BDH1: variants seen among roughly 807,000 people sequenced by gnomAD.
BDH1 encodes D-beta-hydroxybutyrate dehydrogenase, mitochondrial.
A neutral mutation model predicts 33.1 loss-of-function variants in BDH1; 30 were observed. The observed-to-expected ratio is 0.91, with a 90% CI of 0.68 to 1.23. The LOEUF (loss-of-function observed/expected upper bound fraction) is 1.23. Ranked by LOEUF, BDH1 falls within the 50% of genes most tolerant of loss-of-function variation. BDH1 has a pLI of 0.00. For synonymous variants in BDH1, 190 were observed against 183.6 expected, an observed-to-expected ratio of 1.03 and a Z score of -0.28; for missense variants, 443 against 464.4, an observed-to-expected ratio of 0.95 and a Z score of 0.42.
In BDH1 at chr3:197,571,112, G is replaced by T. The variant is rs146156880; in HGVS notation, c.-44+2069C>A. On this transcript the variant is annotated intron_variant, in intron 1 of 6. Transcript: ENST00000358186. Reference sequence around the variant, plus strand: ...AGATTTGGCTGCCCTGCTGGATTTTGGACTTTCATGGAACCTTTGGCCCCT... The same window carrying T: ...AGATTTGGCTGCCCTGCTGGATTTTTGACTTTCATGGAACCTTTGGCCCCT... 9.2e-5 allele frequency among the ~76,000 whole-genome samples: 14 copies of T among 152,308 alleles called. No homozygotes were observed. The East Asian group carries it at 2.1e-3, about 23-fold the overall frequency.
chr3:197,515,077 C>A (rs1461203490), intron 6 of BDH1, among the ~76,000 whole-genome samples: 1 of 152,224 alleles, frequency 6.6e-6, no homozygotes, highest in African/African-American at 2.4e-5. Context: ...CATCCTGGGG[C>A]CCTCCCCTGC....
At chr3:197,543,044 C>G in intron 3 of BDH1, 9 of 985,428 alleles carry the variant, frequency 9.1e-6, no homozygotes, top group Non-Finnish European at 1.1e-5. Context: ...GGCGTTCATT[C>G]TGGCTTCTTC....
upstream of BDH1, among the ~76,000 whole-genome samples, chr3:197,559,579 G>C (rs1008696608): frequency 3.3e-5 from 5 of 152,154 alleles, no homozygotes; most frequent in African/African-American, 1.2e-4. Context: ...TGCTATTTGG[G>C]GGAACCCAGA....
chr3:197,534,892 C>A (rs2082268), intron 3 of BDH1, among the ~76,000 whole-genome samples: 3,992 of 152,240 alleles, frequency 0.026, 73 homozygotes, highest in Middle Eastern at 0.061. Context: ...GCTGCTATAA[C>A]AAAATATCAT....
chr3:197,511,975 TG>T lies in BDH1; in HGVS notation c.951del (p.Met318TrpfsTer12). Reference sequence around the variant, plus strand: ...ATTCGCAGCCACCAGTAGTAGTCCATGGGGTGGTAGCGGGTGTAGGGGGTGG... The same window carrying T: ...ATTCGCAGCCACCAGTAGTAGTCCATGGGTGGTAGCGGGTGTAGGGGGTGG... ...TATTPYTRYH[P>X]MDYYWWLRMQ... On this transcript the variant is annotated frameshift_variant, in exon 8 of 8. Coordinates refer to ENST00000392379, the MANE Select transcript of BDH1 (RefSeq NM_203314.3). LOFTEE classifies it high-confidence loss of function. 6.2e-7 allele frequency: 1 copy of T among 1,610,422 alleles called. No homozygotes were observed. Among genetic ancestry groups the T allele is most frequent in the East Asian group, 2.2e-5 (1 of 44,866 alleles).
intron 1 of BDH1, among the ~76,000 whole-genome samples, chr3:197,568,791 C>T (rs1420572062): frequency 2.0e-5 from 3 of 151,928 alleles, no homozygotes; most frequent in African/African-American, 7.2e-5. Flanking sequence ...CCCATCCTGC[C>T]CTAAGCTACA....
rs1714052901 is a variant in BDH1 at position 197,525,907 on chromosome 3, C to CGTGCTCCCTCTGCAGGTCTCT, written c.268-3147_268-3127dup. ...TCTGTGTGCTCCCTCTGCTGGTCTC[C>CGTGCTCCCTCTGCAGGTCTCT]GTGCTCCCTCTGCAGGTCTCTGGAG... On this transcript the variant is annotated intron_variant, in intron 5 of 7. Coordinates refer to ENST00000392379, the MANE Select transcript of BDH1 (RefSeq NM_203314.3). The surrounding 1 kb of genome is among the most constrained non-coding windows in gnomAD (Gnocchi z 4.9). Among the ~76,000 whole-genome samples, 2 of 151,326 alleles carry CGTGCTCCCTCTGCAGGTCTCT rather than the reference C, an allele frequency of 1.3e-5. No homozygotes were observed. The highest frequency in any genetic ancestry group is 6.6e-5 in the Admixed American group (1 of 15,256).
At chr3:197,546,579 TG>T in intron 2 of BDH1, 93 bp from the exon 3 acceptor site, 1 of 815,700 alleles carries the variant, frequency 1.2e-6, no homozygotes, top group Non-Finnish European at 2.0e-6. Context: ...AAAGTCAAAC[TG>T]GGCTGCATCT....
intron 3 of BDH1, among the ~76,000 whole-genome samples, chr3:197,540,755 G>C (rs982368070): frequency 2.6e-5 from 4 of 152,192 alleles, no homozygotes; most frequent in Non-Finnish European, 5.9e-5. Flanking sequence ...TCTCTAAACT[G>C]TCTCTCCATT....
chr3:197,560,934 G>T (rs1320792604), upstream of BDH1, among the ~76,000 whole-genome samples: 1 of 151,762 alleles, frequency 6.6e-6, no homozygotes, highest in East Asian at 1.9e-4. Context: ...TCCCACTTTT[G>T]CTTCAAGTTG....
Position 197,532,342 on chromosome 3 carries a change from C to CT in BDH1, c.267+69dup, listed in dbSNP as rs60931125. 5.6e-5 allele frequency: 80 copies of CT among 1,421,196 alleles called. 1 individual carries two copies. The highest frequency in any genetic ancestry group is 4.4e-4 in the Admixed American group (25 of 57,068). 88.0% of individuals were successfully genotyped at this position (1,421,196 alleles called of 1,614,324 possible). A position where few individuals can be genotyped will look rare whatever the true frequency, so the allele number is the denominator to read the frequency against. ...AGGTGAGCCAGTTGTTAGGAAAGCACTTTTTAAAAGACTAAAAAACAATGA... is the reference window on the plus strand; with the variant it reads ...AGGTGAGCCAGTTGTTAGGAAAGCACTTTTTTAAAAGACTAAAAAACAATGA... On this transcript the variant is annotated intron_variant, in intron 5 of 7. Coordinates refer to ENST00000392379, the MANE Select transcript of BDH1 (RefSeq NM_203314.3).
rs71164298 is a variant in BDH1, at chr3:197,564,098, T to TA, written c.-44+9082dup. Among the ~76,000 whole-genome samples, 922 of 109,012 alleles carry TA rather than the reference T, an allele frequency of 8.5e-3. 16 individuals are homozygous for TA. Among genetic ancestry groups the TA allele is most frequent in the African/African-American group, 0.02 (559 of 27,920 alleles). The allele number at this position is 109,012 out of a possible 152,430, so 71.5% of individuals were successfully genotyped here. On this transcript the variant is annotated intron_variant, in intron 1 of 6. Coordinates refer to the BDH1 transcript ENST00000358186. Reference sequence around the variant, plus strand: ...GCCTGGGTGACAGCCAGACTTCATCTAAAAAAAAAAAAAAAAAAAGACAGT... The same window carrying TA: ...GCCTGGGTGACAGCCAGACTTCATCTAAAAAAAAAAAAAAAAAAAAGACAGT...
intron 5 of BDH1, chr3:197,529,995 TAC>T (rs940992589): frequency 2.0e-5 from 3 of 152,348 alleles, no homozygotes; most frequent in Admixed American, 6.5e-5. Flanking sequence ...GAATACTCAC[TAC>T]ATTTTCCAGC....
upstream of BDH1, chr3:197,555,969 A>T (rs1261017248): frequency 6.6e-6 from 1 of 152,174 alleles, no homozygotes; most frequent in Non-Finnish European, 1.5e-5. Context: ...ACGCTTCTAC[A>T]CGCGAAGCGC....
chr3:197,559,001 CTT>C (rs796295489), upstream of BDH1, among the ~76,000 whole-genome samples: 24 of 137,188 alleles, frequency 1.7e-4, no homozygotes, highest in African/African-American at 1.6e-4. Flanking sequence ...GGCAATTGAA[CTT>C]TTTTTTTTTT....
At position 197,532,468 on chromosome 3, in the gene BDH1, A is replaced by G. The variant is rs112167837; in HGVS notation, c.211T>C (p.Leu71=). The G allele has an allele frequency of 4.2e-5, 67 of 1,614,234 alleles. No homozygotes were observed. Among genetic ancestry groups the G allele is most frequent in the African/African-American group, 2.4e-4 (18 of 75,058 alleles). The change falls in exon 5 of 8, where the codon TTG becomes CTG. Residue 71 remains leucine (L), a synonymous_variant. Transcript: ENST00000392379. ...TGCDSGFGFS[L]AKHLHSKGFL... is the part of the protein sequence containing the mutation. ...CCTTTTGAATGCAGATGCTTGGCCAATGAGAACCCAAATCCAGAGTCACAG... is the reference window on the plus strand; with the variant it reads ...CCTTTTGAATGCAGATGCTTGGCCAGTGAGAACCCAAATCCAGAGTCACAG...
At chr3:197,551,885 A>G (rs57586792) in intron 2 of BDH1, among the ~76,000 whole-genome samples, 15,339 of 152,138 alleles carry the variant, frequency 0.1, 988 homozygotes, top group African/African-American at 0.17. Flanking sequence ...GCATTTTTTC[A>G]CTAGGAGAAC....
At chr3:197,546,929 G>A (rs1320771019) in intron 2 of BDH1, among the ~76,000 whole-genome samples, 2 of 152,156 alleles carry the variant, frequency 1.3e-5, no homozygotes, top group Non-Finnish European at 2.9e-5. Context: ...TTCCTGAGGT[G>A]CCCACCTGCC....
rs1020292963 is a variant in BDH1, at chr3:197,525,772, C to A, written c.268-2991G>T. Among the ~76,000 whole-genome samples the A allele has an allele frequency of 5.3e-5, 8 of 152,240 alleles. No homozygotes were observed. Among genetic ancestry groups the A allele is most frequent in the Non-Finnish European group, 1.2e-4 (8 of 68,036 alleles). ...GGCTGCAGACTCTGGTGGCCTGTCC[C>A]CCTCAGGGTCTACCTGTCCTCAGGC... On this transcript the variant is annotated intron_variant, in intron 5 of 7. Transcript: ENST00000392379. This position sits in a 1 kb window ranked among gnomAD's most constrained non-coding sequence, Gnocchi z 4.9.
Sources: gnomAD v4.1 joint callset for allele counts (sites outside exome capture counted in the v4.1 genomes callset) on GRCh38, gnomAD v4.1.1 for gene constraint, Gnocchi (gnomAD v3.1) non-coding constraint, MANE v1.5 for transcripts, NCBI Gene and HGNC (gene_info 2026-07-23, HGNC 2026-07-21) for gene names.